NMRK2: variants seen among roughly 807,000 people sequenced by gnomAD.
NMRK2 encodes nicotinamide riboside kinase 2.
In NMRK2, 34 loss-of-function variants were observed where a neutral mutation model predicts 24.7. The ratio of observed to expected loss-of-function variants is 1.37; its 90% CI spans 1.05 to 1.83. NMRK2 has a LOEUF of 1.83. Ranked by LOEUF, NMRK2 falls within the 40% of genes most tolerant of loss-of-function variation. The pLI is 0.00. For synonymous variants in NMRK2, 145 were observed against 125.6 expected (o/e 1.15, Z -1.03); for missense variants, 341 against 315.0 (o/e 1.08, Z -0.62).
rs924921995 is a variant in NMRK2 at position 3,942,398 on chromosome 19, C to G, written c.*125C>G. The stretch of plus-strand genomic sequence containing the variant: ...ACCTCGCTGCAGCTTCAGTAGTAAA[C>G]TGGGTCCTGTTTTTTTAACTGTTGG... On this transcript the variant is annotated 3_prime_UTR_variant, in exon 8 of 8. Coordinates refer to ENST00000168977, the MANE Select transcript of NMRK2 (RefSeq NM_170678.3). The G allele has an allele frequency of 3.7e-6, 3 of 816,616 alleles. No individual in the cohort carries two copies. Among genetic ancestry groups the G allele is most frequent in the Admixed American group, 5.6e-5 (2 of 35,656 alleles). 50.6% of individuals were successfully genotyped at this position (816,616 alleles called of 1,614,324 possible).
At chr19:3,934,226 G>A (rs367728393) in intron 2 of NMRK2, among the ~76,000 whole-genome samples, 3 of 152,098 alleles carry the variant, frequency 2.0e-5, no homozygotes, top group African/African-American at 4.8e-5. Flanking sequence ...CAGCCTGGGC[G>A]ACAGAGTGAG....
intron 2 of NMRK2, among the ~76,000 whole-genome samples, chr19:3,934,537 A>AT (rs775798984): frequency 3.0e-4 from 33 of 109,946 alleles, no homozygotes; most frequent in African/African-American, 1.2e-3. Context: ...TGAATTTCAT[A>AT]TTTTTTGTTT....
rs753894665 is a variant in NMRK2, at chr19:3,936,672, G to A, written c.117+7G>A. The A allele has an allele frequency of 1.8e-5, 28 of 1,552,926 alleles. No individual in the cohort carries two copies. The highest frequency in any genetic ancestry group is 3.9e-5 in the Admixed American group (2 of 51,224). ...TCAGGATGACTTCTTCAAGGTGCCCGCCCTTGCCCGGGGAGGTGGAGCTGA... is the reference window on the plus strand; with the variant it reads ...TCAGGATGACTTCTTCAAGGTGCCCACCCTTGCCCGGGGAGGTGGAGCTGA... On this transcript the variant is annotated splice_region_variant and intron_variant, in intron 3 of 7. Coordinates refer to ENST00000168977, the MANE Select transcript of NMRK2 (RefSeq NM_170678.3).
intron 4 of NMRK2, 90 bp from the exon 5 acceptor site, chr19:3,938,513 C>T (rs921581502): frequency 2.5e-6 from 3 of 1,206,338 alleles, no homozygotes; most frequent in Non-Finnish European, 1.1e-6. Context: ...CATCCACCGT[C>T]CCCTGGGGTC....
Position 3,942,337 on chromosome 19 carries a change from C to T in NMRK2, c.*64C>T, listed in dbSNP as rs888340350. The T allele has an allele frequency of 9.5e-6, 14 of 1,466,842 alleles. No homozygotes were observed. Among genetic ancestry groups the T allele is most frequent in the East Asian group, 7.4e-5 (3 of 40,772 alleles). The allele number at this position is 1,466,842 out of a possible 1,614,324, so 90.9% of individuals were successfully genotyped here. A position where few individuals can be genotyped will look rare whatever the true frequency, so the allele number is the denominator to read the frequency against. On this transcript the variant is annotated 3_prime_UTR_variant, in exon 8 of 8. Transcript: ENST00000168977. ...AGGCCCCACTCCCAGTTGGGCGTCC[C>T]GGAGCTCAGGGACTGAGCCCCAAGA...
chr19:3,936,904 T>C (rs1442991945), intron 3 of NMRK2, among the ~76,000 whole-genome samples: 1 of 152,148 alleles, frequency 6.6e-6, no homozygotes, highest in Non-Finnish European at 1.5e-5. Flanking sequence ...TGGACATCCC[T>C]ACAGTGGGGA....
In NMRK2 at chr19:3,941,982, ACT is replaced by A. The variant is rs2039340666; in HGVS notation, c.503-98_503-97del. On this transcript the variant is annotated intron_variant, in intron 7 of 7. Transcript: ENST00000168977. ...CCAGGAAACTGACTCCAGCAGCCCGACTCTGCAGATCTCCTTGCTCCTGACCC... is the reference window on the plus strand; with the variant it reads ...CCAGGAAACTGACTCCAGCAGCCCGACTGCAGATCTCCTTGCTCCTGACCC... 4 of 938,988 alleles carry A rather than the reference ACT, an allele frequency of 4.3e-6. No homozygotes were observed. The East Asian group carries it at 9.9e-5, about 23-fold the overall frequency. 58.2% of individuals were successfully genotyped at this position (938,988 alleles called of 1,614,324 possible).
At position 3,942,213 on chromosome 19, in the gene NMRK2, C is replaced by G. The variant is rs560264955; in HGVS notation, c.633C>G (p.Pro211=). The change falls in exon 8 of 8, where the codon CCC becomes CCG. Residue 211 remains proline (P), a synonymous_variant. Transcript: ENST00000168977. The part of the protein sequence containing the change: ...SPARPARTQG[P]GRGCGHRTAR... ...CTCGCCCAGCCAGGACACAGGGACC[C>G]GGACGCGGATGCGGCCACAGAACGG... 3.1e-6 allele frequency: 5 copies of G among 1,612,906 alleles called. No homozygotes were observed. The highest frequency in any genetic ancestry group is 4.2e-6 in the Non-Finnish European group (5 of 1,179,954).
Position 3,939,197 on chromosome 19 carries a change from G to A in NMRK2, c.323+438G>A, listed in dbSNP as rs977717951. On this transcript the variant is annotated intron_variant, in intron 5 of 7. Transcript: ENST00000168977. ...GAGACCCAGGAGCAGAGCCACCACG[G>A]GAAGTCAGGAGTTGGGGGCAGAGCT... Among the ~76,000 whole-genome samples, 5 of 150,254 alleles carry A rather than the reference G, an allele frequency of 3.3e-5. No homozygotes were observed. In the East Asian group the frequency reaches 8.3e-4, roughly 25 times the overall value.
intron 5 of NMRK2, 21 bp downstream of exon 5, chr19:3,938,780 G>A (rs773034966): frequency 2.0e-6 from 3 of 1,528,766 alleles, no homozygotes; most frequent in East Asian, 2.5e-5. Flanking sequence ...GCAGGCTCTG[G>A]CCCCAGGCAT....
intron 2 of NMRK2, among the ~76,000 whole-genome samples, chr19:3,934,461 T>G (rs1599157993): frequency 6.6e-6 from 1 of 152,108 alleles, no homozygotes; most frequent in East Asian, 1.9e-4. Flanking sequence ...CGGCTGGCTT[T>G]GTGGGGCTCA....
chr19:3,933,817 C>T, intron 2 of NMRK2, 120 bp downstream of exon 2: 1 of 1,025,242 alleles, frequency 9.8e-7, no homozygotes, highest in Non-Finnish European at 1.3e-6. Flanking sequence ...ACACGCCGCC[C>T]GAGGTCAGAG....
rs773019621 is a variant in NMRK2 at position 3,933,629 on chromosome 19, C to A, written c.-43C>A. ...GCGCACTGCGTGGTCGCACCCTACC[C>A]GGGCTGCCTTGGAAGTCGTCCCCGC... On this transcript the variant is annotated 5_prime_UTR_variant, in exon 2 of 8. Coordinates refer to ENST00000168977, the MANE Select transcript of NMRK2 (RefSeq NM_170678.3). The A allele has an allele frequency of 6.6e-7, 1 of 1,518,500 alleles. No homozygotes were observed. The highest frequency in any genetic ancestry group is 2.7e-5 in the East Asian group (1 of 37,234). The allele number at this position is 1,518,500 out of a possible 1,614,324, so 94.1% of individuals were successfully genotyped here.
rs1266601883 is a variant in NMRK2 at position 3,937,294 on chromosome 19, G to T, written c.166+6G>T. The stretch of plus-strand genomic sequence containing the variant: ...CGGCTTCAAACAGTGGGACGGTAAG[G>T]ACAAGCATCACCTCCAAGCCCCACT... On this transcript the variant is annotated splice_donor_region_variant and intron_variant, in intron 4 of 7. Coordinates refer to ENST00000168977, the MANE Select transcript of NMRK2 (RefSeq NM_170678.3). 1 of 1,612,734 alleles carries T rather than the reference G, an allele frequency of 6.2e-7. No homozygotes were observed. The highest frequency in any genetic ancestry group is 8.5e-7 in the Non-Finnish European group (1 of 1,179,266).
intron 5 of NMRK2, among the ~76,000 whole-genome samples, 192 bp downstream of exon 5, chr19:3,938,951 A>C (rs1364223909): frequency 6.9e-6 from 1 of 145,610 alleles, no homozygotes; most frequent in Non-Finnish European, 1.5e-5. Flanking sequence ...CAGTCCAAGC[A>C]ATTTTCCTGC....
At chr19:3,940,721 C>G (rs1047527241) in intron 6 of NMRK2, among the ~76,000 whole-genome samples, 1 of 139,042 alleles carries the variant, frequency 7.2e-6, no homozygotes, top group Admixed American at 7.6e-5. Flanking sequence ...GGCAACAGAG[C>G]GAGATTCCAT....
chr19:3,939,803 G>A (rs1225921324), intron 5 of NMRK2, 97 bp from the exon 6 acceptor site: 16 of 1,096,110 alleles, frequency 1.5e-5, no homozygotes, highest in South Asian at 6.9e-5. Context: ...CCATGTGCTC[G>A]CCACCCTCTG....
chr19:3,936,212 GAA>G (rs746884107), intron 2 of NMRK2, among the ~76,000 whole-genome samples: 1 of 131,270 alleles, frequency 7.6e-6, no homozygotes, highest in Admixed American at 7.8e-5. Context: ...CTCCGTCTCG[GAA>G]AAAAAAAAAA....
intron 4 of NMRK2, 46 bp downstream of exon 4, chr19:3,937,334 G>T: frequency 6.5e-7 from 1 of 1,536,172 alleles, no homozygotes; most frequent in African/African-American, 1.4e-5. Context: ...CCCGGGGTCC[G>T]CCCTCCTGCA....
Sources: allele counts gnomAD v4.1 joint callset (sites outside exome capture counted in the v4.1 genomes callset), GRCh38; gene constraint gnomAD v4.1.1; transcripts MANE v1.5; gene names NCBI Gene and HGNC (gene_info 2026-07-23, HGNC 2026-07-21).